The following OSBPL9 variants were observed in gnomAD, a reference collection of about 807,000 sequenced individuals.
OSBPL9 encodes the protein oxysterol-binding protein-related protein 9.
OSBPL9 carries 40 observed loss-of-function variants against 106.6 expected under a neutral mutation model. The observed-to-expected ratio is 0.38, with a 90% confidence interval of 0.29 to 0.49. OSBPL9 has a LOEUF of 0.49. Ranked by LOEUF, OSBPL9 falls within the 20% of genes least tolerant of loss-of-function variation. The probability of loss-of-function intolerance (pLI) is 0.97; values close to 1 mark genes in which losing one functional copy is unlikely to be tolerated. For synonymous variants in OSBPL9, 269 were observed against 295.4 expected (o/e 0.91, Z 0.92); for missense variants, 609 against 887.2 (o/e 0.69, Z 3.98).
intron 1 of OSBPL9, among the ~76,000 whole-genome samples, chr1:51,622,734 G>A (rs987934276): frequency 2.0e-5 from 3 of 152,230 alleles, no homozygotes; most frequent in African/African-American, 4.8e-5. Flanking sequence ...TGTGATCCAA[G>A]TGAGAGCAAA....
At chr1:51,526,861 C>T in the OSBPL9 span, among the ~76,000 whole-genome samples, 1 of 152,108 alleles carries the variant, frequency 6.6e-6, no homozygotes, top group African/African-American at 2.4e-5. Context: ...TCTCATGCCT[C>T]AGCCTCCTGA....
At chr1:51,577,874 C>T (rs1645195672) in intron 1 of OSBPL9, among the ~76,000 whole-genome samples, 2 of 152,294 alleles carry the variant, frequency 1.3e-5, no homozygotes, top group Admixed American at 1.3e-4. Context: ...AGACCCGGTT[C>T]TAGGTAACAC....
chr1:51,693,040 A>G lies in OSBPL9; in HGVS notation c.242-20963A>G, dbSNP rs185138173. ...AATTATCACTTGTCCTATAATTATG[A>G]CTACCAATTAGTTGCTAAGAAAATG... On this transcript the variant is annotated intron_variant, in intron 3 of 23. Coordinates refer to ENST00000428468, the MANE Select transcript of OSBPL9 (RefSeq NM_024586.6). 5.1e-4 allele frequency among the ~76,000 whole-genome samples: 78 copies of G among 152,212 alleles called. 3 individuals are homozygous for G. In the South Asian group the frequency reaches 0.012, roughly 23 times the overall value.
At chr1:51,674,024 T>TCCTC (rs1650574723) in intron 3 of OSBPL9, among the ~76,000 whole-genome samples, 1 of 151,158 alleles carries the variant, frequency 6.6e-6, no homozygotes, top group Non-Finnish European at 1.5e-5. Context: ...CTTCCTTCCT[T>TCCTC]CCTCTCCCTC....
intron 1 of OSBPL9, among the ~76,000 whole-genome samples, chr1:51,624,086 T>A (rs1382576699): frequency 2.0e-5 from 3 of 151,820 alleles, no homozygotes; most frequent in African/African-American, 7.3e-5. Context: ...CTGGCTAATT[T>A]TTGTATTTTT....
At chr1:51,525,529 CT>C in the OSBPL9 span, among the ~76,000 whole-genome samples, 3 of 152,182 alleles carry the variant, frequency 2.0e-5, no homozygotes, top group Non-Finnish European at 4.4e-5. Flanking sequence ...TTGTTCAGGC[CT>C]TCATCACTTT....
intron 1 of OSBPL9, among the ~76,000 whole-genome samples, chr1:51,648,037 C>G (rs1646278300): frequency 6.6e-6 from 1 of 152,046 alleles, no homozygotes; most frequent in Admixed American, 6.6e-5. Context: ...TTTTAAGGTA[C>G]CGGGCCTTGT....
At chr1:51,601,070 C>T (rs1645323659) in intron 2 of OSBPL9, among the ~76,000 whole-genome samples, 1 of 152,162 alleles carries the variant, frequency 6.6e-6, no homozygotes, top group African/African-American at 2.4e-5. Context: ...GCAGCTGTAA[C>T]ACTGTCATTA....
chr1:51,527,302 A>C, the OSBPL9 span, among the ~76,000 whole-genome samples: 1 of 152,024 alleles, frequency 6.6e-6, no homozygotes, highest in African/African-American at 2.4e-5. Context: ...GTAAGTGCTC[A>C]GCAAATGGGG....
chr1:51,655,907 C>T (rs1028966962), intron 2 of OSBPL9, among the ~76,000 whole-genome samples: 1 of 152,208 alleles, frequency 6.6e-6, no homozygotes, highest in Non-Finnish European at 1.5e-5. Context: ...CCTCTGTGTG[C>T]ACACACGTGC....
chr1:51,655,636 G>A (rs1242707382), intron 2 of OSBPL9, among the ~76,000 whole-genome samples: 2 of 152,162 alleles, frequency 1.3e-5, no homozygotes, highest in South Asian at 2.1e-4. Context: ...ATTATACAGG[G>A]GCAAGGGTCT....
chr1:51,740,719 G>A (rs1456281963), intron 4 of OSBPL9, among the ~76,000 whole-genome samples: 1 of 151,900 alleles, frequency 6.6e-6, no homozygotes, highest in African/African-American at 2.4e-5. Flanking sequence ...TTATTCATTT[G>A]TGAATTTCTT....
rs771309776 is a variant in OSBPL9 at position 51,746,690 on chromosome 1, C to G, written c.415-20C>G. ...TAGTAAAGTGGCTTGATACTATAACCATTTTTTAAAATCTTGTAGCTTTTT... is the reference window on the plus strand; with the variant it reads ...TAGTAAAGTGGCTTGATACTATAACGATTTTTTAAAATCTTGTAGCTTTTT... On this transcript the variant is annotated intron_variant, in intron 5 of 23. Coordinates refer to ENST00000428468, the MANE Select transcript of OSBPL9 (RefSeq NM_024586.6). 6.3e-7 allele frequency: 1 copy of G among 1,585,348 alleles called. No individual in the cohort carries two copies.
intron 1 of OSBPL9, among the ~76,000 whole-genome samples, chr1:51,636,082 ATG>A (rs35392929): frequency 1.1e-3 from 156 of 139,488 alleles, no homozygotes; most frequent in East Asian, 3.1e-3. Context: ...ATGTATGTAT[ATG>A]TGTGTGTGTG....
At chr1:51,560,541 T>C in the OSBPL9 span, among the ~76,000 whole-genome samples, 1 of 152,208 alleles carries the variant, frequency 6.6e-6, no homozygotes, top group Non-Finnish European at 1.5e-5. Context: ...TCCAGGACTT[T>C]GTAGATTATA....
At chr1:51,669,635 G>A (rs1250349767) in intron 3 of OSBPL9, 123 bp downstream of exon 3, 1 of 815,420 alleles carries the variant, frequency 1.2e-6, no homozygotes, top group African/African-American at 1.7e-5. Context: ...GAGTGCATAG[G>A]AACATTCTGG....
the OSBPL9 span, among the ~76,000 whole-genome samples, chr1:51,570,440 TTCC>T: frequency 6.6e-6 from 1 of 152,218 alleles, no homozygotes; most frequent in Non-Finnish European, 1.5e-5. Context: ...AAGACTTTAC[TTCC>T]TCCTCCAGAG....
intron 12 of OSBPL9, among the ~76,000 whole-genome samples, chr1:51,767,755 A>G (rs1292615590): frequency 1.3e-5 from 2 of 152,176 alleles, no homozygotes; most frequent in Non-Finnish European, 2.9e-5. Context: ...GTTAAAACAT[A>G]AACTATTGAG....
At chr1:51,655,397 G>C (rs1481099271) in intron 2 of OSBPL9, among the ~76,000 whole-genome samples, 2 of 152,266 alleles carry the variant, frequency 1.3e-5, no homozygotes, top group East Asian at 3.9e-4. Flanking sequence ...ACGTGGCCTA[G>C]ACCCCTCCAT....
Sources: gnomAD v4.1 joint callset for allele counts (sites outside exome capture counted in the v4.1 genomes callset) on GRCh38, gnomAD v4.1.1 for gene constraint, MANE v1.5 for transcripts, NCBI Gene and HGNC (gene_info 2026-07-23, HGNC 2026-07-21) for gene names.